ARHGEF10: variants seen among roughly 807,000 people sequenced by gnomAD.
The protein encoded by ARHGEF10 is Rho guanine nucleotide exchange factor 10, also known as Rho guanine nucleotide exchange factor (GEF) 10.
Under a neutral mutation model 147.4 loss-of-function variants are expected in ARHGEF10, and 140 were observed. The observed-to-expected ratio is 0.95, with a 90% CI of 0.83 to 1.09. The LOEUF is 1.09. Ranked by LOEUF, ARHGEF10 falls within the 50% of genes least tolerant of loss-of-function variation. The probability of loss-of-function intolerance (pLI) is 0.00; values close to 1 mark genes in which losing one functional copy is unlikely to be tolerated. For missense variants in ARHGEF10, 2,222 were observed against 1,752.7 expected (o/e 1.27, Z -4.78); for synonymous variants, 902 against 695.8 (o/e 1.30, Z -4.67).
intron 1 of ARHGEF10, among the ~76,000 whole-genome samples, chr8:1,833,026 A>G (rs1803310651): frequency 1.5e-5 from 1 of 67,942 alleles, no homozygotes; most frequent in Non-Finnish European, 3.2e-5. Context: ...AGAGGCAGAG[A>G]CAGGCAGAGA....
chr8:1,930,890 C>A (rs1314628278), intron 25 of ARHGEF10, among the ~76,000 whole-genome samples: 2 of 152,236 alleles, frequency 1.3e-5, no homozygotes, highest in Non-Finnish European at 2.9e-5. Context: ...TGGAGTGTGA[C>A]CCTGCTGATC....
chr8:1,909,617 C>T, intron 18 of ARHGEF10, 147 bp downstream of exon 18: 2 of 1,154,930 alleles, frequency 1.7e-6, no homozygotes, highest in South Asian at 1.3e-5. Context: ...TCTCTAGAAT[C>T]TGTATGCTGT....
At chr8:1,917,364 T>G (rs941613183) in intron 18 of ARHGEF10, among the ~76,000 whole-genome samples, 2 of 152,384 alleles carry the variant, frequency 1.3e-5, no homozygotes, top group Middle Eastern at 3.4e-3. Flanking sequence ...GCCTTCTGGC[T>G]CTGACGTCTC....
intron 2 of ARHGEF10, among the ~76,000 whole-genome samples, chr8:1,856,730 C>G (rs923761056): frequency 2.0e-5 from 3 of 152,170 alleles, no homozygotes; most frequent in African/African-American, 7.2e-5. Flanking sequence ...GGGGGATTGT[C>G]TGTGTTGGAG....
intron 1 of ARHGEF10, among the ~76,000 whole-genome samples, chr8:1,834,855 A>C (rs6558554): frequency 0.59 from 90,332 of 152,136 alleles, 27,138 homozygotes; most frequent in Middle Eastern, 0.72. Flanking sequence ...CCCGTGGTGC[A>C]TCAGGGGTGG....
chr8:1,834,594 C>T (rs11786539), intron 1 of ARHGEF10, among the ~76,000 whole-genome samples: 11,165 of 152,228 alleles, frequency 0.073, 517 homozygotes, highest in African/African-American at 0.14. Context: ...TCCCTCTGTC[C>T]GTCCATCCAT....
chr8:1,931,103 G>C (rs1813105259), intron 25 of ARHGEF10, among the ~76,000 whole-genome samples: 2 of 152,188 alleles, frequency 1.3e-5, no homozygotes, highest in Admixed American at 6.5e-5. Flanking sequence ...ACCTCTGCCA[G>C]CCTCCTTGGC....
rs1197508287 is a variant in ARHGEF10 at position 1,896,413 on chromosome 8, A to C, written c.1521A>C (p.Thr507=). 2 of 1,613,808 alleles carry C rather than the reference A, an allele frequency of 1.2e-6. No individual in the cohort carries two copies. Among genetic ancestry groups the C allele is most frequent in the South Asian group, 1.1e-5 (1 of 91,036 alleles). Reference sequence around the variant, plus strand: ...CAGCCGTGGCAGTCCTCAAGAAAACATGTGCCACAAAGCCCGCTTTTCTTG... The same window carrying C: ...CAGCCGTGGCAGTCCTCAAGAAAACCTGTGCCACAAAGCCCGCTTTTCTTG... ...FSTAVAVLKK[T]CATKPAFLEF... is the part of the protein sequence containing the mutation. The change falls in exon 14 of 29, where the codon ACA becomes ACC. Residue 507 remains threonine (T), a synonymous_variant. Coordinates refer to ENST00000349830, the MANE Select transcript of ARHGEF10 (RefSeq NM_014629.4).
intron 18 of ARHGEF10, among the ~76,000 whole-genome samples, chr8:1,921,904 T>C (rs934904021): frequency 1.3e-5 from 2 of 152,172 alleles, no homozygotes; most frequent in African/African-American, 2.4e-5. Flanking sequence ...GAATTTCTTC[T>C]CCTTGGGTTT....
chr8:1,877,944 A>T (rs147746660), intron 8 of ARHGEF10, among the ~76,000 whole-genome samples: 2 of 152,166 alleles, frequency 1.3e-5, no homozygotes, highest in East Asian at 3.9e-4. Context: ...AACCCCCAGT[A>T]AGCGGAGATT....
chr8:1,841,069 A>G (rs12114697), intron 1 of ARHGEF10, among the ~76,000 whole-genome samples: 15,244 of 152,178 alleles, frequency 0.1, 821 homozygotes, highest in South Asian at 0.17. Flanking sequence ...GTCGGGGCCT[A>G]GGCTGGGCTC....
intron 18 of ARHGEF10, among the ~76,000 whole-genome samples, chr8:1,922,135 T>G (rs1812341115): frequency 6.6e-6 from 1 of 152,010 alleles, no homozygotes; most frequent in Non-Finnish European, 1.5e-5. Context: ...AGGAAGTATT[T>G]GAACATTACT....
chr8:1,911,978 G>GA (rs1811392717), intron 18 of ARHGEF10, among the ~76,000 whole-genome samples: 1 of 152,156 alleles, frequency 6.6e-6, no homozygotes, highest in South Asian at 2.1e-4. Flanking sequence ...ATTCTCAGTC[G>GA]ATAGTCATAG....
chr8:1,843,212 T>C (rs1804228230), intron 1 of ARHGEF10, 141 bp from the exon 2 acceptor site: 1 of 661,138 alleles, frequency 1.5e-6, no homozygotes, highest in South Asian at 1.7e-5. Context: ...TCATGACTAA[T>C]AGGTGGTGAG....
intron 25 of ARHGEF10, among the ~76,000 whole-genome samples, chr8:1,930,345 C>T (rs1813024521): frequency 6.6e-6 from 1 of 152,132 alleles, no homozygotes; most frequent in Non-Finnish European, 1.5e-5. Flanking sequence ...TCCCAGCTCA[C>T]TCCCCCATCA....
At chr8:1,939,500 C>G (rs138678660) in intron 26 of ARHGEF10, among the ~76,000 whole-genome samples, 43 of 152,340 alleles carry the variant, frequency 2.8e-4, no homozygotes, top group African/African-American at 8.4e-4. Flanking sequence ...CACAGTGAGC[C>G]GAAATCCAGG....
At chr8:1,942,626 T>A (rs1341081289) in intron 26 of ARHGEF10, among the ~76,000 whole-genome samples, 1 of 151,442 alleles carries the variant, frequency 6.6e-6, no homozygotes, top group Non-Finnish European at 1.5e-5. Context: ...AACCTGATAC[T>A]CATGCAGACA....
chr8:1,866,387 G>T lies in ARHGEF10; in HGVS notation c.546-139G>T. On this transcript the variant is annotated intron_variant, in intron 5 of 28. Transcript: ENST00000349830. ...TATAATAATAGCTGGGAAAATATGT[G>T]ATTTCCTGTATAGTAACATATATAT... 3 of 773,664 alleles carry T rather than the reference G, an allele frequency of 3.9e-6. No individual in the cohort carries two copies. In the South Asian group the frequency reaches 4.3e-5, roughly 11 times the overall value. 47.9% of individuals were successfully genotyped at this position (773,664 alleles called of 1,614,324 possible).
intron 1 of ARHGEF10, among the ~76,000 whole-genome samples, chr8:1,830,722 TATG>T (rs949379705): frequency 3.3e-5 from 5 of 152,058 alleles, no homozygotes; most frequent in African/African-American, 1.2e-4. Context: ...AGTAAAGTAA[TATG>T]ATGAAAAGCT....
Sources: gnomAD v4.1 joint callset for allele counts (sites outside exome capture counted in the v4.1 genomes callset) on GRCh38, gnomAD v4.1.1 for gene constraint, MANE v1.5 for transcripts, NCBI Gene and HGNC (gene_info 2026-07-23, HGNC 2026-07-21) for gene names.